Variants in TNS1 observed in about 807,000 individuals in gnomAD.
TNS1 encodes tensin 1.
Under a neutral mutation model 168.6 loss-of-function variants are expected in TNS1, and 62 were observed. That is an observed-to-expected ratio of 0.37 (90% CI 0.30 to 0.45). TNS1 has a LOEUF of 0.45. Ranked by LOEUF, TNS1 falls within the 20% of genes least tolerant of loss-of-function variation. TNS1 has a pLI of 1.00. For missense variants in TNS1, 2,240 were observed against 2,339.4 expected (o/e 0.96, Z 0.88); for synonymous variants, 934 against 933.2 (o/e 1.00, Z -0.02).
intron 19 of TNS1, among the ~76,000 whole-genome samples, chr2:217,844,231 G>A (rs186644056): frequency 4.7e-4 from 72 of 152,034 alleles, no homozygotes; most frequent in Middle Eastern, 3.4e-3. Flanking sequence ...ATCCAGCCCC[G>A]CACCACTTAG....
rs187273116 is a variant in TNS1, at chr2:217,915,489, G to A, written c.228+4706C>T. Among the ~76,000 whole-genome samples the A allele has an allele frequency of 2.4e-4, 37 of 152,322 alleles. No homozygotes were observed. The East Asian group carries it at 5.4e-3, about 22-fold the overall frequency. ...GAAAGGAACTCTGAAGCCCCAGCAC[G>A]TAGAACAGTGCCTGGCACTGAGGGG... On this transcript the variant is annotated intron_variant, in intron 4 of 32. Coordinates refer to ENST00000682258, the MANE Select transcript of TNS1 (RefSeq NM_001387777.1).
rs866318108 is a variant in TNS1 at position 217,911,577 on chromosome 2, C to T, written c.229-4326G>A. On this transcript the variant is annotated intron_variant, in intron 4 of 32. Coordinates refer to ENST00000682258, the MANE Select transcript of TNS1 (RefSeq NM_001387777.1). ...CTATTCATTTAGGGATGGCAATGCC[C>T]GGAACACAGTACTGGGCTCTTTGCT... Among the ~76,000 whole-genome samples the T allele has an allele frequency of 5.9e-5, 9 of 152,302 alleles. No homozygotes were observed. The Middle Eastern group carries it at 0.01, about 173-fold the overall frequency.
intron 4 of TNS1, among the ~76,000 whole-genome samples, chr2:217,910,485 G>C (rs1020626067): frequency 6.6e-6 from 1 of 151,974 alleles, no homozygotes; most frequent in Admixed American, 6.5e-5. Context: ...CCAGCCTTGG[G>C]GCTACTGGGA....
intron 22 of TNS1, among the ~76,000 whole-genome samples, chr2:217,822,681 C>G (rs1943051916): frequency 6.6e-6 from 1 of 152,296 alleles, no homozygotes; most frequent in Middle Eastern, 3.4e-3. Flanking sequence ...TTCAAAACAG[C>G]CTAAGAGGGG....
chr2:217,937,213 G>A, intron 3 of TNS1: 1 of 361,716 alleles, frequency 2.8e-6, no homozygotes, highest in Non-Finnish European at 5.5e-6. Context: ...ACTAGATCGT[G>A]TCTCCCGGTC....
Position 217,997,172 on chromosome 2 carries a change from G to A in TNS1, c.33+5668C>T, listed in dbSNP as rs558707697. On this transcript the variant is annotated intron_variant, in intron 1 of 32. Transcript: ENST00000682258. ...CCTGTCAGAATCCATATCCCTACCC[G>A]CTGTCTCCTCATTTTAGTTTGAAAA... 1.3e-4 allele frequency among the ~76,000 whole-genome samples: 19 copies of A among 151,968 alleles called. No individual in the cohort carries two copies. In the South Asian group the frequency reaches 3.3e-3, roughly 27 times the overall value.
At chr2:218,021,070 C>A (rs1958802766) in intron 1 of TNS1, among the ~76,000 whole-genome samples, 1 of 152,334 alleles carries the variant, frequency 6.6e-6, no homozygotes, top group South Asian at 2.1e-4. Context: ...AAGTCCCTGG[C>A]AGAGCACTGA....
At chr2:217,808,147 T>C in intron 31 of TNS1, 40 bp from the exon 32 acceptor site, 1 of 1,609,122 alleles carries the variant, frequency 6.2e-7, no homozygotes. Flanking sequence ...TCATCGTACT[T>C]TCTCCCTAGA....
At chr2:217,929,955 G>A (rs529870093) in intron 3 of TNS1, among the ~76,000 whole-genome samples, 8 of 152,196 alleles carry the variant, frequency 5.3e-5, no homozygotes, top group Non-Finnish European at 7.3e-5. Flanking sequence ...TTTCTAAAAT[G>A]CACATCCAGC....
At chr2:217,879,643 A>G in intron 18 of TNS1, 4 of 281,632 alleles carry the variant, frequency 1.4e-5, no homozygotes, top group South Asian at 1.1e-4. Flanking sequence ...CCCTCATCCC[A>G]CTTCTCTCTG....
intron 3 of TNS1, among the ~76,000 whole-genome samples, chr2:217,939,199 C>T (rs533805653): frequency 6.6e-6 from 1 of 152,302 alleles, no homozygotes; most frequent in South Asian, 2.1e-4. Context: ...AACTGAGGCT[C>T]ACAGAGGTTC....
chr2:217,918,115 T>C (rs1955283504), intron 4 of TNS1, among the ~76,000 whole-genome samples: 1 of 152,202 alleles, frequency 6.6e-6, no homozygotes, highest in African/African-American at 2.4e-5. Flanking sequence ...CCTGAGCTTT[T>C]GCTCCAGTGA....
chr2:218,002,808 A>G (rs1447097179), intron 1 of TNS1, 32 bp downstream of exon 1: 1 of 456,526 alleles, frequency 2.2e-6, no homozygotes, highest in Non-Finnish European at 4.4e-6. Flanking sequence ...TTTGAGGAAG[A>G]GTAACGTCGC....
At chr2:217,809,216 CATGGATGGATGGATGGATGGATGG>C (rs1446633026) in intron 30 of TNS1, among the ~76,000 whole-genome samples, 1 of 29,974 alleles carries the variant, frequency 3.3e-5, no homozygotes, top group African/African-American at 1.6e-4. Flanking sequence ...TGGATGGATG[CATGGATGGATGGATGGATGGATGG>C]ATGGATGGAT....
intron 5 of TNS1, 23 bp downstream of exon 5, chr2:217,907,187 C>T: frequency 4.3e-6 from 3 of 703,068 alleles, no homozygotes; most frequent in Non-Finnish European, 7.8e-6. Context: ...CCAGCTCCCC[C>T]ACCACCACCT....
chr2:217,882,441 G>C (rs1161539857), intron 16 of TNS1, 30 bp from the exon 17 acceptor site: 1 of 1,526,522 alleles, frequency 6.6e-7, no homozygotes, highest in Non-Finnish European at 8.9e-7. Context: ...AATAAAAATA[G>C]GCAAAAAGTC....
intron 24 of TNS1, among the ~76,000 whole-genome samples, chr2:217,817,351 A>G (rs1168420349): frequency 6.6e-6 from 1 of 152,204 alleles, no homozygotes. Flanking sequence ...AGCTTAAATG[A>G]CACAGTACTC....
At chr2:217,868,333 G>A (rs964561249) in intron 18 of TNS1, among the ~76,000 whole-genome samples, 6 of 152,196 alleles carry the variant, frequency 3.9e-5, no homozygotes, top group African/African-American at 1.2e-4. Flanking sequence ...AAGGAGGCAG[G>A]ACCCCTGAGC....
At position 217,995,434 on chromosome 2, in the gene TNS1, A is replaced by T. The variant is rs192088236; in HGVS notation, c.34-4378T>A. On this transcript the variant is annotated intron_variant, in intron 1 of 32. Coordinates refer to ENST00000682258, the MANE Select transcript of TNS1 (RefSeq NM_001387777.1). This position sits in a 1 kb window ranked among gnomAD's most constrained non-coding sequence, Gnocchi z 4.1. ...AGGCACTGCAAGAAGGCATAATGAG[A>T]CTCAGTGGGGAAAAAAAAAACTTAA... Among the ~76,000 whole-genome samples, 46 of 151,898 alleles carry T rather than the reference A, an allele frequency of 3.0e-4. No homozygotes were observed. The highest frequency in any genetic ancestry group is 6.2e-4 in the Non-Finnish European group (42 of 67,930).
Sources: allele counts gnomAD v4.1 joint callset (sites outside exome capture counted in the v4.1 genomes callset), GRCh38; gene constraint gnomAD v4.1.1; non-coding constraint Gnocchi (gnomAD v3.1); transcripts MANE v1.5; gene names NCBI Gene and HGNC (gene_info 2026-07-23, HGNC 2026-07-21).